The following CAMKMT variants were observed in gnomAD, a reference collection of about 807,000 sequenced individuals.
CAMKMT encodes the protein calmodulin-lysine N-methyltransferase.
A neutral mutation model predicts 48.0 loss-of-function variants in CAMKMT; 53 were observed. The observed-to-expected ratio is 1.10, with a 90% CI of 0.89 to 1.39. CAMKMT has a LOEUF of 1.39. CAMKMT is among the 40% of genes most tolerant of loss of function. The pLI, the probability that CAMKMT is intolerant of heterozygous loss-of-function variation, is 0.00. For missense variants in CAMKMT, 428 were observed against 402.7 expected (o/e 1.06, Z -0.54); for synonymous variants, 165 against 152.3 (o/e 1.08, Z -0.61).
rs541407751 is a variant in CAMKMT, at chr2:44,430,110, A to G, written c.376+39805A>G. ...ATGTTTGAGATTCTCATGGTGCTGC[A>G]TTAAGTCAAAGTATTCCATGTAAAA... On this transcript the variant is annotated intron_variant, in intron 3 of 10. Coordinates refer to ENST00000378494, the MANE Select transcript of CAMKMT (RefSeq NM_024766.5). Among the ~76,000 whole-genome samples, 8 of 152,048 alleles carry G rather than the reference A, an allele frequency of 5.3e-5. 1 individual carries two copies. Among genetic ancestry groups the G allele is most frequent in the African/African-American group, 1.2e-4 (5 of 41,484 alleles).
At chr2:44,695,939 T>TTTTTA (rs895802056) in intron 3 of CAMKMT, among the ~76,000 whole-genome samples, 1 of 151,620 alleles carries the variant, frequency 6.6e-6, no homozygotes. Context: ...AACACAAAAA[T>TTTTTA]TTTTATTTTA....
At chr2:44,423,971 A>G (rs1006015265) in intron 3 of CAMKMT, among the ~76,000 whole-genome samples, 4 of 152,172 alleles carry the variant, frequency 2.6e-5, no homozygotes, top group African/African-American at 9.7e-5. Flanking sequence ...TGAGATATGT[A>G]TGTATGTATG....
intron 3 of CAMKMT, among the ~76,000 whole-genome samples, chr2:44,466,754 T>C (rs1299931257): frequency 1.3e-5 from 2 of 152,086 alleles, no homozygotes; most frequent in Admixed American, 1.3e-4. Flanking sequence ...CAAAATTGAC[T>C]AGCCATTAGC....
intron 3 of CAMKMT, among the ~76,000 whole-genome samples, chr2:44,539,362 G>T (rs1218593658): frequency 1.3e-5 from 2 of 148,644 alleles, no homozygotes. Flanking sequence ...TGTCTATATT[G>T]TTTTTCTGAA....
intron 3 of CAMKMT, among the ~76,000 whole-genome samples, chr2:44,438,825 G>T (rs1666452166): frequency 6.6e-6 from 1 of 152,098 alleles, no homozygotes; most frequent in South Asian, 2.1e-4. Flanking sequence ...AGCCTCTTGA[G>T]TACCAGGTGT....
chr2:44,693,111 C>T lies in CAMKMT; in HGVS notation c.377-11172C>T, dbSNP rs143852438. Reference sequence around the variant, plus strand: ...TCCACTTTTCTTCATCTCTGCTAACCATCACCCAAGCCACCACCAGCTCTC... The same window carrying T: ...TCCACTTTTCTTCATCTCTGCTAACTATCACCCAAGCCACCACCAGCTCTC... On this transcript the variant is annotated intron_variant, in intron 3 of 10. Coordinates refer to ENST00000378494, the MANE Select transcript of CAMKMT (RefSeq NM_024766.5). Among the ~76,000 whole-genome samples, 364 of 152,242 alleles carry T rather than the reference C, an allele frequency of 2.4e-3. 1 individual carries two copies. The highest frequency in any genetic ancestry group is 8.4e-3 in the African/African-American group (350 of 41,520).
chr2:44,609,802 T>C (rs1407540320), intron 3 of CAMKMT, among the ~76,000 whole-genome samples: 3 of 152,204 alleles, frequency 2.0e-5, no homozygotes, highest in Non-Finnish European at 4.4e-5. Flanking sequence ...GAATCACTCA[T>C]AGGGCTCTTA....
intron 3 of CAMKMT, among the ~76,000 whole-genome samples, chr2:44,439,315 C>T (rs1302170776): frequency 6.6e-6 from 1 of 152,146 alleles, no homozygotes; most frequent in Non-Finnish European, 1.5e-5. Context: ...TCTCTCTCTC[C>T]TACATCCTTA....
At chr2:44,624,226 G>A (rs950922205) in intron 3 of CAMKMT, among the ~76,000 whole-genome samples, 1 of 152,118 alleles carries the variant, frequency 6.6e-6, no homozygotes, top group Non-Finnish European at 1.5e-5. Flanking sequence ...GGACATTTGT[G>A]CACAAGATTT....
At position 44,467,270 on chromosome 2, in the gene CAMKMT, G is replaced by A. The variant is rs1338367710; in HGVS notation, c.376+76965G>A. On this transcript the variant is annotated intron_variant, in intron 3 of 10. Transcript: ENST00000378494. ...AAACAAAAACAAACAGGTGGCTCAC[G>A]CCTGTAATCCCAGCACTTTGGGAGG... Among the ~76,000 whole-genome samples, 4 of 151,382 alleles carry A rather than the reference G, an allele frequency of 2.6e-5. 1 individual carries two copies. The South Asian group carries it at 6.3e-4, about 24-fold the overall frequency.
intron 3 of CAMKMT, among the ~76,000 whole-genome samples, chr2:44,588,270 G>A (rs577420429): frequency 2.9e-5 from 1 of 34,938 alleles, no homozygotes; most frequent in Non-Finnish European, 6.7e-5. Context: ...AGTGAGGAGC[G>A]TCTCCGCCCG....
intron 3 of CAMKMT, among the ~76,000 whole-genome samples, chr2:44,586,319 A>G (rs1175086612): frequency 6.6e-6 from 1 of 150,976 alleles, no homozygotes; most frequent in African/African-American, 2.5e-5. Flanking sequence ...GTTTTAACAT[A>G]TGTATATATA....
chr2:44,409,191 C>A (rs1683019489), intron 3 of CAMKMT, among the ~76,000 whole-genome samples: 12 of 67,688 alleles, frequency 1.8e-4, no homozygotes, highest in South Asian at 9.7e-4. Context: ...ATGTATATTG[C>A]TACATAAAGA....
rs538292610 is a variant in CAMKMT, at chr2:44,478,999, A to G, written c.376+88694A>G. On this transcript the variant is annotated intron_variant, in intron 3 of 10. Coordinates refer to ENST00000378494, the MANE Select transcript of CAMKMT (RefSeq NM_024766.5). Reference sequence around the variant, plus strand: ...CAGGCGTGAGCCACCGCGCCCGGCAATTGCTTTTCTTTTCTAAGAAAATTT... The same window carrying G: ...CAGGCGTGAGCCACCGCGCCCGGCAGTTGCTTTTCTTTTCTAAGAAAATTT... Among the ~76,000 whole-genome samples the G allele has an allele frequency of 2.0e-5, 3 of 152,292 alleles. No homozygotes were observed. The East Asian group carries it at 5.8e-4, about 29-fold the overall frequency.
chr2:44,746,443 G>A (rs1179811303), intron 8 of CAMKMT, among the ~76,000 whole-genome samples: 6 of 151,944 alleles, frequency 3.9e-5, no homozygotes, highest in Admixed American at 3.9e-4. Flanking sequence ...GTAGGCAGTG[G>A]GGGAAATAAC....
At chr2:44,756,521 C>T (rs912088456) in intron 9 of CAMKMT, among the ~76,000 whole-genome samples, 3 of 151,928 alleles carry the variant, frequency 2.0e-5, no homozygotes, top group African/African-American at 7.3e-5. Context: ...GCGGGCGGAT[C>T]ACAAGGTCAG....
At chr2:44,407,656 T>C (rs1357151889) in intron 3 of CAMKMT, among the ~76,000 whole-genome samples, 1 of 152,174 alleles carries the variant, frequency 6.6e-6, no homozygotes, top group Non-Finnish European at 1.5e-5. Context: ...TGTTTGTTAA[T>C]TAGGTAATAT....
chr2:44,610,389 G>C (rs1448060967), intron 3 of CAMKMT, among the ~76,000 whole-genome samples: 1 of 152,098 alleles, frequency 6.6e-6, no homozygotes, highest in Non-Finnish European at 1.5e-5. Context: ...GACCAAATAG[G>C]ATTTCTGAAG....
At chr2:44,572,215 A>AT (rs1668944715) in intron 3 of CAMKMT, among the ~76,000 whole-genome samples, 1 of 152,080 alleles carries the variant, frequency 6.6e-6, no homozygotes, top group African/African-American at 2.4e-5. Context: ...TTTTTAAAAA[A>AT]TTTAATTCTT....
Sources: gnomAD v4.1 joint callset for allele counts (sites outside exome capture counted in the v4.1 genomes callset) on GRCh38, gnomAD v4.1.1 for gene constraint, MANE v1.5 for transcripts, NCBI Gene and HGNC (gene_info 2026-07-23, HGNC 2026-07-21) for gene names.